SEMA3A: variants seen among roughly 807,000 people sequenced by gnomAD.
SEMA3A encodes the protein semaphorin 3A.
Under a neutral mutation model 97.9 loss-of-function variants are expected in SEMA3A, and 29 were observed. That is an observed-to-expected ratio of 0.30 (90% CI 0.22 to 0.40). The LOEUF (loss-of-function observed/expected upper bound fraction) is 0.40. SEMA3A is among the 10% of genes least tolerant of loss of function. The pLI is 1.00. For synonymous variants in SEMA3A, 321 were observed against 323.7 expected, an observed-to-expected ratio of 0.99 and a Z score of 0.09; for missense variants, 763 against 951.3, an observed-to-expected ratio of 0.80 and a Z score of 2.60.
In SEMA3A at chr7:83,959,120, G is replaced by A. The variant is rs1357695800; in HGVS notation, c.*2251C>T. On this transcript the variant is annotated 3_prime_UTR_variant, in exon 17 of 17. Coordinates refer to ENST00000265362, the MANE Select transcript of SEMA3A (RefSeq NM_006080.3). ...GTTTGTGTAACTTTTAATTGAAGTCGAGACTTTTTTCTATTGTCATTTCAT... is the reference window on the plus strand; with the variant it reads ...GTTTGTGTAACTTTTAATTGAAGTCAAGACTTTTTTCTATTGTCATTTCAT... The A allele has an allele frequency of 6.6e-6, 1 of 151,918 alleles. No individual in the cohort carries two copies. The highest frequency in any genetic ancestry group is 1.5e-5 in the Non-Finnish European group (1 of 67,864). 9.4% of individuals were successfully genotyped at this position (151,918 alleles called of 1,614,324 possible). A position where few individuals can be genotyped will look rare whatever the true frequency, so the allele number is the denominator to read the frequency against.
intron 12 of SEMA3A, among the ~76,000 whole-genome samples, chr7:83,999,301 TTAA>T (rs1452874318): frequency 6.6e-6 from 1 of 152,136 alleles, no homozygotes; most frequent in Non-Finnish European, 1.5e-5. Context: ...AAAATCCTTA[TTAA>T]TGTACTAAAC....
intron 3 of SEMA3A, among the ~76,000 whole-genome samples, chr7:84,248,815 A>G (rs1799533613): frequency 6.6e-6 from 1 of 151,862 alleles, no homozygotes; most frequent in South Asian, 2.1e-4. Flanking sequence ...GAGAGACTAC[A>G]AAAACGTTCC....
At chr7:84,053,003 T>A (rs1047494966) in intron 5 of SEMA3A, among the ~76,000 whole-genome samples, 16 of 150,572 alleles carry the variant, frequency 1.1e-4, no homozygotes, top group Non-Finnish European at 2.1e-4. Context: ...GTTGTCCAGT[T>A]TCCATGTAGT....
At chr7:84,462,874 A>T (rs774707915) in intron 1 of SEMA3A, among the ~76,000 whole-genome samples, 1 of 152,196 alleles carries the variant, frequency 6.6e-6, no homozygotes, top group Non-Finnish European at 1.5e-5. Context: ...AGGTCTCAAA[A>T]TACCTATGAT....
chr7:84,041,186 G>A (rs1792121861), intron 6 of SEMA3A, among the ~76,000 whole-genome samples: 1 of 151,804 alleles, frequency 6.6e-6, no homozygotes, highest in African/African-American at 2.4e-5. Context: ...TTCCTTATTA[G>A]TAATTTCAAA....
chr7:84,474,209 G>A (rs1308657296), intron 1 of SEMA3A, among the ~76,000 whole-genome samples: 1 of 152,218 alleles, frequency 6.6e-6, no homozygotes, highest in Admixed American at 6.5e-5. Flanking sequence ...ATTATTTTAA[G>A]TGAGAAAACG....
At chr7:84,376,221 G>T (rs924125505) in intron 1 of SEMA3A, among the ~76,000 whole-genome samples, 11 of 152,224 alleles carry the variant, frequency 7.2e-5, no homozygotes, top group Admixed American at 7.2e-4. Flanking sequence ...GGGATTGCTG[G>T]ATCATAAGGT....
chr7:84,006,720 G>A (rs1402504624), intron 10 of SEMA3A, among the ~76,000 whole-genome samples: 1 of 152,130 alleles, frequency 6.6e-6, no homozygotes, highest in East Asian at 1.9e-4. Flanking sequence ...ATGTAATTAT[G>A]AGAGATTCTT....
rs71524608 is a variant in SEMA3A, at chr7:84,453,877, CT to C, written c.-246+38582del. On this transcript the variant is annotated intron_variant, in intron 1 of 3. Coordinates refer to the SEMA3A transcript ENST00000424555. ...ATTAGATGATTTAATTCTAGTTACA[CT>C]TTTTTTTCTAGAAAAGAAAGTAATA... Among the ~76,000 whole-genome samples the C allele has an allele frequency of 2.2e-3, 339 of 152,068 alleles. 1 individual carries two copies. The highest frequency in any genetic ancestry group is 7.4e-3 in the African/African-American group (305 of 41,480).
chr7:84,338,919 T>C (rs1230531489), intron 2 of SEMA3A, among the ~76,000 whole-genome samples: 2 of 152,094 alleles, frequency 1.3e-5, no homozygotes, highest in African/African-American at 4.8e-5. Context: ...TTTTGAAAAA[T>C]TGGAACAAAA....
intron 9 of SEMA3A, among the ~76,000 whole-genome samples, chr7:84,008,751 G>C (rs956606940): frequency 3.9e-5 from 6 of 152,178 alleles, no homozygotes; most frequent in African/African-American, 1.4e-4. Flanking sequence ...CATGAGGGAA[G>C]AGACCATGCC....
intron 1 of SEMA3A, among the ~76,000 whole-genome samples, chr7:84,172,167 T>C (rs115205202): frequency 0.02 from 3,028 of 152,268 alleles, 104 homozygotes; most frequent in African/African-American, 0.069. Context: ...AAAAGCTCAG[T>C]CATTTTCAAG....
intron 1 of SEMA3A, among the ~76,000 whole-genome samples, chr7:84,383,376 G>A (rs1803318196): frequency 6.6e-6 from 1 of 151,926 alleles, no homozygotes; most frequent in South Asian, 2.1e-4. Flanking sequence ...TATAAAAACT[G>A]TTATCTTTAA....
At chr7:84,055,300 C>A (rs10954744) in intron 5 of SEMA3A, among the ~76,000 whole-genome samples, 221 of 151,890 alleles carry the variant, frequency 1.5e-3, no homozygotes, top group Admixed American at 9.7e-3. Context: ...CCCCTCCCCC[C>A]GCCTCGCTGC....
intron 1 of SEMA3A, among the ~76,000 whole-genome samples, chr7:84,390,335 A>AATTATT (rs71078827): frequency 0.3 from 42,583 of 143,408 alleles, 6,474 homozygotes; most frequent in East Asian, 0.33. Context: ...GATATTCAAG[A>AATTATT]ATTATTATTA....
chr7:84,151,964 G>C (rs1796685409), intron 1 of SEMA3A, among the ~76,000 whole-genome samples: 2 of 151,714 alleles, frequency 1.3e-5, no homozygotes, highest in Non-Finnish European at 2.9e-5. Context: ...CTGGCCATCA[G>C]AGAAATGCAA....
chr7:84,478,533 G>C (rs1172589727), intron 1 of SEMA3A, among the ~76,000 whole-genome samples: 1 of 151,670 alleles, frequency 6.6e-6, no homozygotes, highest in Non-Finnish European at 1.5e-5. Flanking sequence ...ATGAAATTTT[G>C]TTTCTTTCCA....
upstream of SEMA3A, among the ~76,000 whole-genome samples, chr7:84,197,658 G>A (rs925482677): frequency 4.0e-5 from 6 of 151,780 alleles, no homozygotes; most frequent in Admixed American, 2.0e-4. Context: ...CTGGATGGGC[G>A]GTGTCAGAAT....
chr7:84,046,468 A>C (rs1434643520), intron 5 of SEMA3A, 25 bp from the exon 6 acceptor site: 5 of 1,611,232 alleles, frequency 3.1e-6, no homozygotes, highest in Middle Eastern at 1.6e-4. Flanking sequence ...AACCACATAC[A>C]CATTCTTTAA....
Sources: allele counts gnomAD v4.1 joint callset (sites outside exome capture counted in the v4.1 genomes callset), GRCh38; gene constraint gnomAD v4.1.1; transcripts MANE v1.5; gene names NCBI Gene and HGNC (gene_info 2026-07-23, HGNC 2026-07-21).